The following BTBD8 variants were observed in gnomAD, a reference collection of about 807,000 sequenced individuals.
BTBD8 encodes the protein BTB domain containing 8, also known as BTB/POZ domain-containing protein 8.
BTBD8 carries 110 observed loss-of-function variants against 162.9 expected under a neutral mutation model. The ratio of observed to expected loss-of-function variants is 0.68; its 90% confidence interval spans 0.58 to 0.79. The LOEUF (loss-of-function observed/expected upper bound fraction) is 0.79, where lower values mean the gene tolerates loss of function less well. Among genes scored for constraint, BTBD8 ranks in the 30% least tolerant of loss-of-function variants. BTBD8 has a pLI of 0.00. For missense variants in BTBD8, 1,905 were observed against 2,085.4 expected, an observed-to-expected ratio of 0.91 and a Z score of 1.68; for synonymous variants, 667 against 716.1, an observed-to-expected ratio of 0.93 and a Z score of 1.10.
At chr1:92,125,518 C>A in intron 4 of BTBD8, 1 of 311,900 alleles carries the variant, frequency 3.2e-6, no homozygotes. Flanking sequence ...AGGAAGCAGG[C>A]ACTTGTACAG....
At chr1:92,162,775 AT>A (rs1557460780) in intron 9 of BTBD8, among the ~76,000 whole-genome samples, 1 of 152,102 alleles carries the variant, frequency 6.6e-6, no homozygotes, top group Non-Finnish European at 1.5e-5. Flanking sequence ...CTCAGGCTCA[AT>A]TTTTAGGCAG....
At chr1:92,083,678 G>A (rs1056801600) in intron 1 of BTBD8, among the ~76,000 whole-genome samples, 1 of 152,002 alleles carries the variant, frequency 6.6e-6, no homozygotes, top group Non-Finnish European at 1.5e-5. Flanking sequence ...GAGAACCATC[G>A]GTGTTTTTAA....
chr1:92,144,176 G>A (rs966323223), intron 7 of BTBD8, among the ~76,000 whole-genome samples: 1 of 151,320 alleles, frequency 6.6e-6, no homozygotes, highest in Non-Finnish European at 1.5e-5. Flanking sequence ...GTTTTATCAT[G>A]TTGGTCAGGC....
At chr1:92,157,788 C>T (rs950627208) in intron 9 of BTBD8, among the ~76,000 whole-genome samples, 12 of 152,026 alleles carry the variant, frequency 7.9e-5, no homozygotes, top group East Asian at 7.7e-4. Flanking sequence ...ATTACAGGCA[C>T]GAGCCACTGT....
At chr1:92,140,836 T>A (rs1649759197) in intron 6 of BTBD8, among the ~76,000 whole-genome samples, 1 of 152,260 alleles carries the variant, frequency 6.6e-6, no homozygotes, top group Non-Finnish European at 1.5e-5. Flanking sequence ...TCTTGGATTT[T>A]GTTCTGTATG....
Position 92,168,908 on chromosome 1 carries a change from A to T in BTBD8, c.1486A>T (p.Ile496Phe). 1.3e-6 allele frequency: 2 copies of T among 1,545,094 alleles called. No individual in the cohort carries two copies. The highest frequency in any genetic ancestry group is 2.7e-5 in the African/African-American group (2 of 73,102). ...KIQALRDKLW[I>F]FLVQSFYAVR... Reference sequence around the variant, plus strand: ...CCAGGCTCTGCGTGATAAGCTGTGGATCTTCCTGGTTCAGTCTTTCTATGC... The same window carrying T: ...CCAGGCTCTGCGTGATAAGCTGTGGTTCTTCCTGGTTCAGTCTTTCTATGC... The change falls in exon 12 of 18, where the codon ATC (isoleucine) becomes TTC (phenylalanine). Residue 496 changes from isoleucine (I) to phenylalanine (F), a missense_variant. This residue lies in a region of BTBD8 where 1,374 missense variants were observed against 1,442.7 expected (regional missense o/e 0.95). Coordinates refer to ENST00000636805, the MANE Select transcript of BTBD8 (RefSeq NM_001376131.1).
Position 92,129,726 on chromosome 1 carries a change from G to A in BTBD8, c.702G>A (p.Met234Ile). The A allele has an allele frequency of 6.2e-7, 1 of 1,614,058 alleles. No individual in the cohort carries two copies. Among genetic ancestry groups the A allele is most frequent in the Non-Finnish European group, 8.5e-7 (1 of 1,180,002 alleles). ...CCAGATCTAGTTATTTTGCTGCAAT[G>A]CTGAGTGGCTGTTGGGCTGAAAGCT... is the stretch of plus-strand genomic sequence containing the variant. ...LSARSSYFAA[M>I]LSGCWAESSQ... Residue 234 changes from methionine to isoleucine, a missense_variant, in exon 5 of 18, where the codon ATG becomes ATA. Around this residue, in one of 3 missense-constraint regions of BTBD8, gnomAD observed 1,374 missense variants for 1,442.7 expected, o/e 0.95. Coordinates refer to ENST00000636805, the MANE Select transcript of BTBD8 (RefSeq NM_001376131.1).
intron 4 of BTBD8, among the ~76,000 whole-genome samples, chr1:92,126,641 G>A (rs1293945269): frequency 6.6e-6 from 1 of 152,178 alleles, no homozygotes; most frequent in Non-Finnish European, 1.5e-5. Context: ...GTAATTAAAT[G>A]CTTGTACACA....
intron 6 of BTBD8, among the ~76,000 whole-genome samples, chr1:92,140,700 G>T (rs1649756507): frequency 6.6e-6 from 1 of 152,184 alleles, no homozygotes; most frequent in Non-Finnish European, 1.5e-5. Context: ...CAATCTTAGG[G>T]TTATTTGTAG....
At chr1:92,090,016 A>G (rs961275696) in intron 2 of BTBD8, among the ~76,000 whole-genome samples, 7 of 152,196 alleles carry the variant, frequency 4.6e-5, no homozygotes, top group African/African-American at 1.7e-4. Flanking sequence ...TTGTATGGCT[A>G]TTCCATATTT....
At chr1:92,082,781 T>G (rs1266278069) in intron 1 of BTBD8, among the ~76,000 whole-genome samples, 4 of 151,198 alleles carry the variant, frequency 2.6e-5, no homozygotes, top group African/African-American at 9.9e-5. Context: ...GGAAAGTTGT[T>G]TGGGATATGG....
chr1:92,178,398 C>T lies in BTBD8; in HGVS notation c.2528C>T (p.Thr843Ile). The T allele has an allele frequency of 6.4e-7, 1 of 1,551,360 alleles. No individual in the cohort carries two copies. The highest frequency in any genetic ancestry group is 1.2e-5 in the South Asian group (1 of 84,046). The part of the protein sequence containing the change: ...LKKRGTSNGC[T>I]AAQQRTKSTP... The stretch of plus-strand genomic sequence containing the variant: ...AAAAGAGGAACTAGCAATGGATGTA[C>T]TGCAGCTCAGCAGAGGACAAAGAGT... Residue 843 changes from threonine (T) to isoleucine (I), a missense_variant, in exon 16 of 18, where the codon ACT becomes ATT. This residue lies in a region of BTBD8 where 1,374 missense variants were observed against 1,442.7 expected (regional missense o/e 0.95). Transcript: ENST00000636805.
At position 92,151,545 on chromosome 1, in the gene BTBD8, A is replaced by T. The variant is rs114515507; in HGVS notation, c.1122+3759A>T. ...TAGTAGTAGTACCAGTATTTTTTTT[A>T]AATTATTTTTTTTCAATAGCTTTTG... On this transcript the variant is annotated intron_variant, in intron 9 of 17. Coordinates refer to ENST00000636805, the MANE Select transcript of BTBD8 (RefSeq NM_001376131.1). Among the ~76,000 whole-genome samples the T allele has an allele frequency of 2.9e-3, 435 of 152,066 alleles. 2 individuals carry two copies. The highest frequency in any genetic ancestry group is 9.1e-3 in the African/African-American group (377 of 41,488).
chr1:92,168,105 A>G (rs1184043011), intron 11 of BTBD8, 120 bp downstream of exon 11: 1 of 733,900 alleles, frequency 1.4e-6, no homozygotes, highest in Non-Finnish European at 2.0e-6. Context: ...CTAGGGGTGG[A>G]TTAAGGTCTC....
intron 4 of BTBD8, among the ~76,000 whole-genome samples, chr1:92,121,691 G>C (rs1020339680): frequency 6.6e-6 from 1 of 151,948 alleles, no homozygotes; most frequent in East Asian, 1.9e-4. Flanking sequence ...GTGAATTTTC[G>C]TCAACTAAAA....
intron 16 of BTBD8, 112 bp downstream of exon 16, chr1:92,178,563 A>G: frequency 1.2e-6 from 1 of 824,502 alleles, no homozygotes. Flanking sequence ...GGTTTTACTC[A>G]TTTTATGTTT....
chr1:92,140,584 T>C (rs1649753963), intron 6 of BTBD8, among the ~76,000 whole-genome samples: 2 of 152,240 alleles, frequency 1.3e-5, no homozygotes, highest in African/African-American at 4.8e-5. Flanking sequence ...TTTGTCATTC[T>C]TTCAAAGCTT....
chr1:92,129,559 C>T (rs550111002), intron 4 of BTBD8, 128 bp from the exon 5 acceptor site: 1 of 735,058 alleles, frequency 1.4e-6, no homozygotes, highest in East Asian at 2.7e-5. Context: ...AGTAATCCTG[C>T]CTATGAATAC....
Position 92,129,691 on chromosome 1 carries a change from A to G in BTBD8, c.667A>G (p.Ile223Val). 1 of 1,613,784 alleles carries G rather than the reference A, an allele frequency of 6.2e-7. No individual in the cohort carries two copies. The highest frequency in any genetic ancestry group is 8.5e-7 in the Non-Finnish European group (1 of 1,179,728). The stretch of plus-strand genomic sequence containing the variant: ...TCTCCCCCCTCTTCCCTTTAGGGCC[A>G]TTTTGAGTGCCAGATCTAGTTATTT... The part of the protein sequence containing the change: ...DGKRFKAHRA[I>V]LSARSSYFAA... The change falls in exon 5 of 18, where the codon ATT (isoleucine) becomes GTT (valine). Residue 223 changes from isoleucine (I) to valine (V), a missense_variant. Physicochemically the swap from Ile to Val is conservative, Grantham distance 29. This residue lies in a region of BTBD8 where 1,374 missense variants were observed against 1,442.7 expected (regional missense o/e 0.95). Transcript: ENST00000636805.
Sources: gnomAD v4.1 joint callset for allele counts (sites outside exome capture counted in the v4.1 genomes callset) on GRCh38, gnomAD v4.1.1 for gene constraint, gnomAD v4.1.1 regional missense constraint, MANE v1.5 for transcripts, NCBI Gene and HGNC (gene_info 2026-07-23, HGNC 2026-07-21) for gene names.